The following CHST11 variants were observed in gnomAD, a reference collection of about 807,000 sequenced individuals.
CHST11 encodes C4S-1.
A neutral mutation model predicts 30.4 loss-of-function variants in CHST11; 9 were observed. That is an observed-to-expected ratio of 0.30 (90% confidence interval 0.18 to 0.52). CHST11 has a LOEUF of 0.52. CHST11 is among the 20% of genes least tolerant of loss of function. The pLI, the probability that CHST11 is intolerant of heterozygous loss-of-function variation, is 0.97. For synonymous variants in CHST11, 152 were observed against 187.8 expected (o/e 0.81, Z 1.56); for missense variants, 348 against 460.6 (o/e 0.76, Z 2.24).
intron 2 of CHST11, among the ~76,000 whole-genome samples, chr12:104,687,240 G>A (rs1365664986): frequency 1.3e-5 from 2 of 152,236 alleles, no homozygotes; most frequent in African/African-American, 4.8e-5. Flanking sequence ...GCATCCAAGT[G>A]CTTTACACCT....
chr12:104,527,878 T>C (rs1472818544), intron 1 of CHST11, among the ~76,000 whole-genome samples: 1 of 152,166 alleles, frequency 6.6e-6, no homozygotes, highest in Non-Finnish European at 1.5e-5. Context: ...ACGTCTTACA[T>C]GGCAGCAGGA....
At chr12:104,664,123 G>C (rs1452329357) in intron 2 of CHST11, among the ~76,000 whole-genome samples, 1 of 152,154 alleles carries the variant, frequency 6.6e-6, no homozygotes, top group Non-Finnish European at 1.5e-5. Context: ...CTCAAGGGTA[G>C]GAACTGTATA....
intron 1 of CHST11, among the ~76,000 whole-genome samples, chr12:104,599,997 G>T (rs540383650): frequency 6.6e-6 from 1 of 152,244 alleles, no homozygotes; most frequent in African/African-American, 2.4e-5. Context: ...TCACACCACA[G>T]TGGCCCTGCG....
intron 1 of CHST11, among the ~76,000 whole-genome samples, chr12:104,474,695 T>C (rs1677449616): frequency 6.6e-6 from 1 of 152,164 alleles, no homozygotes; most frequent in Non-Finnish European, 1.5e-5. Context: ...AGGTCATTGC[T>C]GAGTGTTCGA....
At chr12:104,587,358 T>A (rs1468735560) in intron 1 of CHST11, among the ~76,000 whole-genome samples, 1 of 152,248 alleles carries the variant, frequency 6.6e-6, no homozygotes, top group East Asian at 1.9e-4. Context: ...TATTTTTGAA[T>A]ACTTCATTTG....
At position 104,743,363 on chromosome 12, in the gene CHST11, G is replaced by C. The variant is rs74493196; in HGVS notation, c.205-13586G>C. Among the ~76,000 whole-genome samples, 536 of 152,246 alleles carry C rather than the reference G, an allele frequency of 3.5e-3. 6 individuals carry two copies. The highest frequency in any genetic ancestry group is 0.012 in the African/African-American group (515 of 41,524). On this transcript the variant is annotated intron_variant, in intron 2 of 2. Transcript: ENST00000303694. ...ACCCAGGGACTCCCACAGTCTGGCT[G>C]GTTCCGCCTTGTCTTTCTCTTGCAG...
chr12:104,584,007 C>G (rs1477236233), intron 1 of CHST11, among the ~76,000 whole-genome samples: 2 of 152,174 alleles, frequency 1.3e-5, no homozygotes, highest in Non-Finnish European at 2.9e-5. Flanking sequence ...GCCACCGCAC[C>G]CCGTCCAAAG....
At chr12:104,488,642 T>A (rs903895922) in intron 1 of CHST11, among the ~76,000 whole-genome samples, 1 of 137,888 alleles carries the variant, frequency 7.3e-6, no homozygotes, top group Non-Finnish European at 1.6e-5. Flanking sequence ...TGTGTGCGTG[T>A]GTATGTGTGT....
At chr12:104,749,996 A>G (rs1173776522) in intron 2 of CHST11, among the ~76,000 whole-genome samples, 1 of 151,440 alleles carries the variant, frequency 6.6e-6, no homozygotes, top group African/African-American at 2.4e-5. Context: ...ATGATTATCC[A>G]TTTCTGGATC....
Position 104,758,258 on chromosome 12 carries a change from G to GCGA in CHST11, c.*456_*457insGAC. On this transcript the variant is annotated 3_prime_UTR_variant, in exon 3 of 3. Transcript: ENST00000303694. ...CCTCTCATGGAGTCATGTGATAACA[G>GCGA]CCATTGTCATGTGTATGGATGCCAC... 1 of 156,648 alleles carries GCGA rather than the reference G, an allele frequency of 6.4e-6. No homozygotes were observed. Among genetic ancestry groups the GCGA allele is most frequent in the South Asian group, 1.9e-4 (1 of 5,234 alleles). 9.7% of individuals were successfully genotyped at this position (156,648 alleles called of 1,614,324 possible).
chr12:104,701,035 T>C (rs1422515577), intron 2 of CHST11, among the ~76,000 whole-genome samples: 1 of 152,030 alleles, frequency 6.6e-6, no homozygotes, highest in Admixed American at 6.6e-5. Context: ...TTGAACCCCA[T>C]AGGAGCTGGA....
At chr12:104,602,123 T>C in intron 2 of CHST11, 132 bp downstream of exon 2, 1 of 659,410 alleles carries the variant, frequency 1.5e-6, no homozygotes, top group South Asian at 1.8e-5. Flanking sequence ...CTTCAGTGGT[T>C]GCTTTCTCCG....
intron 2 of CHST11, among the ~76,000 whole-genome samples, chr12:104,701,272 A>G (rs2039988807): frequency 1.3e-5 from 2 of 152,210 alleles, no homozygotes; most frequent in Admixed American, 6.5e-5. Flanking sequence ...CTACTGACTC[A>G]GTTCTCTCCA....
intron 2 of CHST11, among the ~76,000 whole-genome samples, chr12:104,656,000 T>A (rs1349738581): frequency 6.6e-6 from 1 of 152,202 alleles, no homozygotes; most frequent in African/African-American, 2.4e-5. Context: ...CCATCCGTCA[T>A]GTCTAGATTC....
intron 1 of CHST11, among the ~76,000 whole-genome samples, chr12:104,557,126 A>C (rs1489173457): frequency 6.6e-6 from 1 of 152,212 alleles, no homozygotes; most frequent in Non-Finnish European, 1.5e-5. Flanking sequence ...GGTCACATTC[A>C]TAGGTACTGG....
At chr12:104,544,125 TAAAAA>T (rs60776273) in intron 1 of CHST11, among the ~76,000 whole-genome samples, 2 of 97,394 alleles carry the variant, frequency 2.1e-5, no homozygotes, top group East Asian at 4.5e-4. Flanking sequence ...CCCTGTCTGT[TAAAAA>T]AAAAAAAAAA....
intron 2 of CHST11, among the ~76,000 whole-genome samples, chr12:104,730,060 C>T (rs550696057): frequency 3.9e-5 from 6 of 152,298 alleles, no homozygotes; most frequent in African/African-American, 1.4e-4. Context: ...CAGCTGACAG[C>T]GGAGCTACAC....
intron 1 of CHST11, among the ~76,000 whole-genome samples, chr12:104,567,582 G>A (rs1366064145): frequency 6.6e-6 from 1 of 151,958 alleles, no homozygotes; most frequent in Non-Finnish European, 1.5e-5. Flanking sequence ...ACTTAATTCT[G>A]TCCCCAGTGA....
chr12:104,542,955 A>G (rs1453565632), intron 1 of CHST11, among the ~76,000 whole-genome samples: 3 of 152,220 alleles, frequency 2.0e-5, no homozygotes, highest in Admixed American at 1.3e-4. Flanking sequence ...GGACAGTGGC[A>G]ACCAGTGTGT....
Sources: allele counts gnomAD v4.1 joint callset (sites outside exome capture counted in the v4.1 genomes callset), GRCh38; gene constraint gnomAD v4.1.1; transcripts MANE v1.5; gene names NCBI Gene and HGNC (gene_info 2026-07-23, HGNC 2026-07-21).